Variants in CACNA2D3 observed in about 807,000 individuals in gnomAD.
The protein encoded by CACNA2D3 is calcium voltage-gated channel auxiliary subunit alpha2delta 3.
A neutral mutation model predicts 160.6 loss-of-function variants in CACNA2D3; 60 were observed. The ratio of observed to expected loss-of-function variants is 0.37; its 90% CI spans 0.30 to 0.46. The LOEUF (loss-of-function observed/expected upper bound fraction) is 0.46, where lower values mean the gene tolerates loss of function less well. Among genes scored for constraint, CACNA2D3 ranks in the 20% least tolerant of loss-of-function variants. CACNA2D3 has a pLI of 1.00. For synonymous variants in CACNA2D3, 558 were observed against 492.9 expected (o/e 1.13, Z -1.75); for missense variants, 1,205 against 1,365.0 (o/e 0.88, Z 1.85).
At chr3:54,757,160 C>T (rs890939450) in intron 12 of CACNA2D3, among the ~76,000 whole-genome samples, 4 of 152,142 alleles carry the variant, frequency 2.6e-5, no homozygotes, top group African/African-American at 9.7e-5. Context: ...TTTAAATAAG[C>T]ACTGGCTGAT....
chr3:54,619,095 C>T (rs1005601706), intron 9 of CACNA2D3, among the ~76,000 whole-genome samples: 3 of 152,240 alleles, frequency 2.0e-5, no homozygotes, highest in African/African-American at 7.2e-5. Flanking sequence ...CATGCAGAAA[C>T]ACAACACAGG....
intron 32 of CACNA2D3, among the ~76,000 whole-genome samples, chr3:55,006,771 G>A (rs1176758319): frequency 6.6e-6 from 1 of 152,152 alleles, no homozygotes; most frequent in Non-Finnish European, 1.5e-5. Flanking sequence ...ATGATTGGGG[G>A]CATGTAAATT....
chr3:54,768,603 C>G (rs775932396), intron 13 of CACNA2D3, among the ~76,000 whole-genome samples: 2 of 152,186 alleles, frequency 1.3e-5, no homozygotes, highest in Non-Finnish European at 2.9e-5. Context: ...AGAGGAAAGT[C>G]TCTGAAGTCT....
At chr3:54,140,216 C>G (rs141537575) in intron 2 of CACNA2D3, among the ~76,000 whole-genome samples, 1 of 152,276 alleles carries the variant, frequency 6.6e-6, no homozygotes, top group Non-Finnish European at 1.5e-5. Flanking sequence ...TGCCGTCATT[C>G]CTGGCCTCAA....
intron 4 of CACNA2D3, among the ~76,000 whole-genome samples, chr3:54,414,140 A>G (rs944634271): frequency 6.6e-6 from 1 of 152,052 alleles, no homozygotes; most frequent in Non-Finnish European, 1.5e-5. Flanking sequence ...GATATACTAC[A>G]TAGCAGGGCA....
chr3:54,381,247 A>G (rs900743714), intron 3 of CACNA2D3, among the ~76,000 whole-genome samples: 1 of 151,974 alleles, frequency 6.6e-6, no homozygotes, highest in Non-Finnish European at 1.5e-5. Flanking sequence ...TGGTTTTTAT[A>G]TTTCTGTTTT....
At chr3:54,580,590 C>T (rs1559518140) in intron 8 of CACNA2D3, among the ~76,000 whole-genome samples, 1 of 152,134 alleles carries the variant, frequency 6.6e-6, no homozygotes, top group South Asian at 2.1e-4. Flanking sequence ...GTAGATATAC[C>T]ATAACGCTGT....
chr3:54,866,870 GT>G (rs977322779), intron 17 of CACNA2D3, among the ~76,000 whole-genome samples: 1 of 152,200 alleles, frequency 6.6e-6, no homozygotes, highest in African/African-American at 2.4e-5. Context: ...CCAAGGGCTT[GT>G]TTGTGTGTTC....
intron 9 of CACNA2D3, among the ~76,000 whole-genome samples, chr3:54,590,057 A>C (rs1702830765): frequency 1.3e-5 from 2 of 152,206 alleles, no homozygotes; most frequent in South Asian, 4.1e-4. Context: ...CCTTGGCATT[A>C]ATCTCAGAGA....
chr3:54,915,791 G>C (rs1700648310), intron 27 of CACNA2D3, among the ~76,000 whole-genome samples: 1 of 152,188 alleles, frequency 6.6e-6, no homozygotes, highest in African/African-American at 2.4e-5. Flanking sequence ...GCCAACTGCT[G>C]TTTGTGGTGA....
rs114773576 is a variant in CACNA2D3 at position 55,055,278 on chromosome 3, A to C, written c.2988-18167A>C. On this transcript the variant is annotated intron_variant, in intron 35 of 37. Transcript: ENST00000474759. ...TCCAGTTTCATTCTTTTGCAAGTGG[A>C]TATCCAGTTGTCCCACACCATGTGT... Among the ~76,000 whole-genome samples, 689 of 152,164 alleles carry C rather than the reference A, an allele frequency of 4.5e-3. 6 individuals carry two copies. Among genetic ancestry groups the C allele is most frequent in the African/African-American group, 0.015 (614 of 41,560 alleles).
At chr3:54,393,168 C>T (rs1010204773) in intron 4 of CACNA2D3, among the ~76,000 whole-genome samples, 1 of 152,208 alleles carries the variant, frequency 6.6e-6, no homozygotes, top group Non-Finnish European at 1.5e-5. Context: ...GGAGTTACTT[C>T]TCCCTGTGGA....
At chr3:54,773,436 G>T (rs138460379) in intron 13 of CACNA2D3, among the ~76,000 whole-genome samples, 2 of 152,310 alleles carry the variant, frequency 1.3e-5, no homozygotes, top group African/African-American at 4.8e-5. Flanking sequence ...CATCCTGCTG[G>T]GTTGTGGAAC....
Position 54,891,396 on chromosome 3 carries a change from G to T in CACNA2D3, c.2192G>T (p.Arg731Leu), listed in dbSNP as rs771698876. ...GTGGAGGTTGCCTTCCTCGGCACTC[G>T]CACGGGCCTCTCCAGAATCAACCTG... ...KGVEVAFLGT[R>L]TGLSRINLFV... Residue 731 changes from arginine to leucine, a missense_variant, in exon 25 of 38, where the codon CGC becomes CTC. Arg to Leu is a moderately radical substitution (Grantham distance 102, BLOSUM62 -2). Transcript: ENST00000474759. 1.2e-5 allele frequency: 19 copies of T among 1,613,710 alleles called. No homozygotes were observed. The highest frequency in any genetic ancestry group is 1.4e-5 in the Non-Finnish European group (17 of 1,179,836).
In CACNA2D3 at chr3:54,150,286, A is replaced by G. The variant is rs539124917; in HGVS notation, c.204+26692A>G. Among the ~76,000 whole-genome samples, 215 of 152,272 alleles carry G rather than the reference A, an allele frequency of 1.4e-3. 1 individual carries two copies. The highest frequency in any genetic ancestry group is 4.9e-3 in the African/African-American group (203 of 41,560). On this transcript the variant is annotated intron_variant, in intron 2 of 37. Coordinates refer to ENST00000474759, the MANE Select transcript of CACNA2D3 (RefSeq NM_018398.3). ...TTTTTCCTTTTCAGTTTCTACTTTAAATGTTAAAGGTCTAAACTTTGGGAA... is the reference window on the plus strand; with the variant it reads ...TTTTTCCTTTTCAGTTTCTACTTTAGATGTTAAAGGTCTAAACTTTGGGAA...
chr3:54,446,089 A>T (rs1700218024), intron 4 of CACNA2D3, among the ~76,000 whole-genome samples: 1 of 152,230 alleles, frequency 6.6e-6, no homozygotes, highest in Admixed American at 6.5e-5. Flanking sequence ...ATGTTCATAG[A>T]AGAAGAGAAC....
At chr3:54,255,479 T>G (rs759028677) in intron 2 of CACNA2D3, among the ~76,000 whole-genome samples, 4 of 152,228 alleles carry the variant, frequency 2.6e-5, no homozygotes, top group Non-Finnish European at 5.9e-5. Flanking sequence ...TACAGAAGAT[T>G]TATTTTGAAA....
intron 14 of CACNA2D3, among the ~76,000 whole-genome samples, chr3:54,833,137 A>T (rs1703914209): frequency 6.6e-6 from 1 of 152,148 alleles, no homozygotes. Flanking sequence ...TGTTTTATAA[A>T]CCAGATGTTC....
At chr3:54,719,513 CATAAT>C (rs1701129786) in intron 11 of CACNA2D3, among the ~76,000 whole-genome samples, 2 of 152,066 alleles carry the variant, frequency 1.3e-5, no homozygotes, top group South Asian at 4.1e-4. Flanking sequence ...TCAACTTTGT[CATAAT>C]ATATTAAACT....
Sources: allele counts gnomAD v4.1 joint callset (sites outside exome capture counted in the v4.1 genomes callset), GRCh38; gene constraint gnomAD v4.1.1; transcripts MANE v1.5; gene names NCBI Gene and HGNC (gene_info 2026-07-23, HGNC 2026-07-21).